Variants in CNTNAP2 observed in about 807,000 individuals in gnomAD.
The protein encoded by CNTNAP2 is contactin-associated protein-like 2.
In CNTNAP2, 98 loss-of-function variants were observed where a neutral mutation model predicts 155.2. The observed-to-expected ratio is 0.63, with a 90% CI of 0.54 to 0.75. The LOEUF is 0.75. CNTNAP2 is among the 30% of genes least tolerant of loss of function. The probability of loss-of-function intolerance (pLI) is 0.00; values close to 1 mark genes in which losing one functional copy is unlikely to be tolerated. For missense variants in CNTNAP2, 1,727 were observed against 1,688.1 expected (o/e 1.02, Z -0.40); for synonymous variants, 651 against 631.2 (o/e 1.03, Z -0.47).
At chr7:147,572,974 T>G (rs1053448315) in intron 12 of CNTNAP2, among the ~76,000 whole-genome samples, 2 of 152,098 alleles carry the variant, frequency 1.3e-5, no homozygotes, top group Admixed American at 1.3e-4. Flanking sequence ...AGAAAGAAAA[T>G]CTCATATAGC....
intron 1 of CNTNAP2, among the ~76,000 whole-genome samples, chr7:146,637,649 G>C (rs931619484): frequency 6.6e-6 from 1 of 152,000 alleles, no homozygotes; most frequent in Non-Finnish European, 1.5e-5. Context: ...ATTTTCTCAG[G>C]GACAGGACCA....
chr7:148,370,145 G>A (rs879938813), intron 21 of CNTNAP2, among the ~76,000 whole-genome samples: 81 of 152,092 alleles, frequency 5.3e-4, no homozygotes, highest in Non-Finnish European at 9.9e-4. Context: ...CTCCCACCTC[G>A]GAGGATACAC....
chr7:147,265,108 G>A (rs918715187), intron 8 of CNTNAP2, among the ~76,000 whole-genome samples: 37 of 152,170 alleles, frequency 2.4e-4, no homozygotes, highest in East Asian at 7.7e-4. Context: ...AGGGAGGAGT[G>A]AGAGTTAAAT....
At chr7:148,336,858 A>C (rs2116572968) in intron 21 of CNTNAP2, among the ~76,000 whole-genome samples, 1 of 152,330 alleles carries the variant, frequency 6.6e-6, no homozygotes, top group Admixed American at 6.5e-5. Context: ...CTACCAGGGC[A>C]GGCTTATCTC....
At chr7:148,287,803 T>A (rs2116474358) in intron 21 of CNTNAP2, among the ~76,000 whole-genome samples, 1 of 149,752 alleles carries the variant, frequency 6.7e-6, no homozygotes, top group South Asian at 2.1e-4. Flanking sequence ...TTCTTTTTTT[T>A]TTTTTGAATT....
At chr7:147,346,541 T>G (rs536307045) in intron 9 of CNTNAP2, among the ~76,000 whole-genome samples, 1 of 152,358 alleles carries the variant, frequency 6.6e-6, no homozygotes, top group East Asian at 1.9e-4. Flanking sequence ...TCATTGCCTT[T>G]TCAGTAAAAC....
chr7:147,202,601 C>A (rs1802944490), intron 8 of CNTNAP2, among the ~76,000 whole-genome samples: 1 of 151,976 alleles, frequency 6.6e-6, no homozygotes, highest in African/African-American at 2.4e-5. Flanking sequence ...ACATATACAC[C>A]ATGGAATACA....
At chr7:147,581,516 T>C (rs561545308) in intron 12 of CNTNAP2, among the ~76,000 whole-genome samples, 29 of 152,216 alleles carry the variant, frequency 1.9e-4, no homozygotes, top group Non-Finnish European at 3.7e-4. Flanking sequence ...AAATGAGTTT[T>C]GTGTTGTTTT....
At chr7:146,288,108 T>C (rs1800366288) in intron 1 of CNTNAP2, among the ~76,000 whole-genome samples, 1 of 151,872 alleles carries the variant, frequency 6.6e-6, no homozygotes, top group African/African-American at 2.4e-5. Context: ...AAGACCAGCC[T>C]GGGCAACATA....
intron 12 of CNTNAP2, among the ~76,000 whole-genome samples, chr7:147,580,678 C>T (rs993098107): frequency 1.3e-5 from 2 of 151,568 alleles, no homozygotes; most frequent in Non-Finnish European, 2.9e-5. Flanking sequence ...TGCAATGGCA[C>T]GATCTCTGCT....
chr7:148,227,097 G>T (rs1795866920), intron 19 of CNTNAP2, among the ~76,000 whole-genome samples: 1 of 152,168 alleles, frequency 6.6e-6, no homozygotes, highest in Non-Finnish European at 1.5e-5. Flanking sequence ...GGTCTTTGGG[G>T]ACTGCAAGAG....
At chr7:146,391,229 G>A (rs1166604986) in intron 1 of CNTNAP2, among the ~76,000 whole-genome samples, 3 of 151,462 alleles carry the variant, frequency 2.0e-5, no homozygotes, top group South Asian at 4.2e-4. Flanking sequence ...ATCCTGGGAC[G>A]AAGTGGCTGA....
chr7:148,068,177 G>A (rs1803306236), intron 15 of CNTNAP2, among the ~76,000 whole-genome samples: 1 of 151,366 alleles, frequency 6.6e-6, no homozygotes, highest in South Asian at 2.1e-4. Context: ...CCCCACCCCT[G>A]CCCCAGATTG....
intron 13 of CNTNAP2, chr7:147,672,153 C>G (rs1795797823): frequency 6.6e-6 from 1 of 152,230 alleles, no homozygotes; most frequent in Non-Finnish European, 1.5e-5. Context: ...GATGATATGT[C>G]AAATCTGATT....
At chr7:147,975,350 G>T (rs1460482081) in intron 14 of CNTNAP2, among the ~76,000 whole-genome samples, 1 of 151,978 alleles carries the variant, frequency 6.6e-6, no homozygotes, top group Non-Finnish European at 1.5e-5. Flanking sequence ...TGCTGGAGCT[G>T]TTCTAAATCA....
chr7:147,825,001 G>A (rs1429666768), intron 13 of CNTNAP2, among the ~76,000 whole-genome samples: 1 of 152,102 alleles, frequency 6.6e-6, no homozygotes, highest in Non-Finnish European at 1.5e-5. Context: ...AGTATTCTGA[G>A]GTACTGGTAA....
chr7:146,270,667 A>G (rs1041399241), intron 1 of CNTNAP2, among the ~76,000 whole-genome samples: 2 of 152,166 alleles, frequency 1.3e-5, no homozygotes, highest in Non-Finnish European at 2.9e-5. Context: ...ATAGAATTCC[A>G]GGACCAAAGA....
At chr7:146,262,159 A>T (rs1799928253) in intron 1 of CNTNAP2, among the ~76,000 whole-genome samples, 1 of 152,084 alleles carries the variant, frequency 6.6e-6, no homozygotes, top group African/African-American at 2.4e-5. Context: ...CTTCTTTTTC[A>T]CCAGTCATGA....
intron 1 of CNTNAP2, among the ~76,000 whole-genome samples, chr7:146,358,926 T>C (rs1414436915): frequency 1.3e-5 from 2 of 151,786 alleles, no homozygotes; most frequent in African/African-American, 2.4e-5. Context: ...AGGGGCTTGA[T>C]ACATCGCCTT....
Sources: allele counts gnomAD v4.1 joint callset (sites outside exome capture counted in the v4.1 genomes callset), GRCh38; gene constraint gnomAD v4.1.1; transcripts MANE v1.5; gene names NCBI Gene and HGNC (gene_info 2026-07-23, HGNC 2026-07-21).